Variants in PRKCH observed in about 807,000 individuals in gnomAD.
The protein encoded by PRKCH is protein kinase C eta.
Under a neutral mutation model 82.5 loss-of-function variants are expected in PRKCH, and 28 were observed. The ratio of observed to expected loss-of-function variants is 0.34; its 90% CI spans 0.25 to 0.47. The LOEUF is 0.47. PRKCH is among the 20% of genes least tolerant of loss of function. PRKCH has a pLI of 1.00. For missense variants in PRKCH, 705 were observed against 881.8 expected, an observed-to-expected ratio of 0.80 and a Z score of 2.54; for synonymous variants, 322 against 327.4, an observed-to-expected ratio of 0.98 and a Z score of 0.18.
At chr14:61,424,445 A>G (rs905873817) in intron 2 of PRKCH, among the ~76,000 whole-genome samples, 5 of 152,258 alleles carry the variant, frequency 3.3e-5, no homozygotes, top group African/African-American at 9.6e-5. Flanking sequence ...AAGTAGCTTC[A>G]GATGGAGATG....
At chr14:61,423,998 C>T (rs181541413) in intron 2 of PRKCH, among the ~76,000 whole-genome samples, 5 of 152,180 alleles carry the variant, frequency 3.3e-5, no homozygotes, top group East Asian at 3.9e-4. Context: ...GGAATTCTCA[C>T]GAGAACTGAT....
chr14:61,229,612 A>G (rs1566787763), intron 1 of PRKCH, among the ~76,000 whole-genome samples: 2 of 152,196 alleles, frequency 1.3e-5, no homozygotes. Flanking sequence ...CTGAGACCGA[A>G]GGGAAGATTT....
In PRKCH at chr14:61,280,397, C is replaced by T; in HGVS notation, c.-19+92729C>T. The T allele has an allele frequency of 6.2e-7, 1 of 1,614,016 alleles. No individual in the cohort carries two copies. Among genetic ancestry groups the T allele is most frequent in the South Asian group, 1.1e-5 (1 of 91,088 alleles). ...AGCGCCGCCGTGCGCATCCACACCACGAAGTCCTGATTGATGAAGCCGGTG... is the reference window on the plus strand; with the variant it reads ...AGCGCCGCCGTGCGCATCCACACCATGAAGTCCTGATTGATGAAGCCGGTG... On this transcript the variant is annotated intron_variant, in intron 1 of 3. Transcript: ENST00000555185. This position sits in a 1 kb window ranked among gnomAD's most constrained non-coding sequence, Gnocchi z 5.0.
chr14:61,234,294 G>T (rs944962902), intron 1 of PRKCH, among the ~76,000 whole-genome samples: 1 of 152,150 alleles, frequency 6.6e-6, no homozygotes, highest in Non-Finnish European at 1.5e-5. Flanking sequence ...TACAGCCCTG[G>T]TCCTGTGACT....
In PRKCH at chr14:61,336,301, TAGG is replaced by T. The variant is rs577046436; in HGVS notation, c.363+13840_363+13842del. 2.7e-4 allele frequency among the ~76,000 whole-genome samples: 41 copies of T among 152,296 alleles called. 1 individual carries two copies. The South Asian group carries it at 8.1e-3, about 30-fold the overall frequency. On this transcript the variant is annotated intron_variant, in intron 1 of 13. Transcript: ENST00000332981. Reference sequence around the variant, plus strand: ...TGTAGGATTCTGGAATGTAAATCAGTAGGAGATTTCTAGTTACTGGTGGAAGAG... The same window carrying T: ...TGTAGGATTCTGGAATGTAAATCAGTAGATTTCTAGTTACTGGTGGAAGAG...
rs1367636548 is a variant in PRKCH, at chr14:61,471,566, A to G, written c.1278+13887A>G. Among the ~76,000 whole-genome samples the G allele has an allele frequency of 2.0e-5, 3 of 151,236 alleles. No individual in the cohort carries two copies. The East Asian group carries it at 5.8e-4, about 29-fold the overall frequency. ...TGTAAGTGACTTAAAAAAAAAAAGT[A>G]CCCTTCCACATTGCTCAGAACTTTG... is the stretch of plus-strand genomic sequence containing the variant. On this transcript the variant is annotated intron_variant, in intron 9 of 13. Transcript: ENST00000332981.
chr14:61,465,519 T>C (rs1885216517), intron 9 of PRKCH, among the ~76,000 whole-genome samples: 1 of 152,208 alleles, frequency 6.6e-6, no homozygotes, highest in African/African-American at 2.4e-5. Context: ...TCTTTGTTGA[T>C]AATTAATTGA....
At chr14:61,249,490 T>C (rs2044920488) in intron 1 of PRKCH, among the ~76,000 whole-genome samples, 1 of 139,026 alleles carries the variant, frequency 7.2e-6, no homozygotes, top group Admixed American at 7.8e-5. Context: ...CCTTTACAAG[T>C]ATGATGTGCA....
intron 1 of PRKCH, among the ~76,000 whole-genome samples, chr14:61,351,845 T>C (rs1229017450): frequency 1.3e-5 from 2 of 152,136 alleles, no homozygotes; most frequent in Non-Finnish European, 2.9e-5. Context: ...CTTGCATCTC[T>C]TTCTGCTTGA....
intron 9 of PRKCH, among the ~76,000 whole-genome samples, chr14:61,470,046 AATTCCTGGATT>A (rs1358611280): frequency 6.6e-6 from 1 of 151,432 alleles, no homozygotes; most frequent in East Asian, 2.0e-4. Flanking sequence ...TCCCTGTGGC[AATTCCTGGATT>A]TTCCTTTCAG....
At chr14:61,195,363 T>G (rs1046981346) in intron 1 of PRKCH, among the ~76,000 whole-genome samples, 2 of 151,822 alleles carry the variant, frequency 1.3e-5, no homozygotes, top group Admixed American at 1.3e-4. Context: ...GGTTTAAAAA[T>G]GTATCTTTTA....
chr14:61,370,989 A>G (rs2046358977), intron 1 of PRKCH, among the ~76,000 whole-genome samples: 2 of 152,064 alleles, frequency 1.3e-5, no homozygotes, highest in South Asian at 4.1e-4. Flanking sequence ...CACAGTCTAG[A>G]AAGGCCAGAT....
upstream of PRKCH, among the ~76,000 whole-genome samples, chr14:61,320,933 T>A (rs893899385): frequency 6.6e-6 from 1 of 152,196 alleles, no homozygotes; most frequent in Non-Finnish European, 1.5e-5. Flanking sequence ...TATTACCTCT[T>A]GGCCATGTCT....
At chr14:61,526,100 C>A (rs1052510645) in intron 10 of PRKCH, among the ~76,000 whole-genome samples, 1 of 152,204 alleles carries the variant, frequency 6.6e-6, no homozygotes, top group Non-Finnish European at 1.5e-5. Flanking sequence ...CACCCCTGCT[C>A]CCGTCCTGCG....
intron 1 of PRKCH, among the ~76,000 whole-genome samples, chr14:61,328,726 G>A (rs148139725): frequency 4.6e-5 from 7 of 152,084 alleles, no homozygotes; most frequent in East Asian, 1.9e-4. Flanking sequence ...TATGGCTTGC[G>A]TCTGTAATCC....
rs915394015 is a variant in PRKCH at position 61,206,607 on chromosome 14, A to G, written c.-19+18939A>G. ...AAGATAGGGGAGTACTCAGACTTCC[A>G]TGTCTTTCCATCCAACAATCTCTTT... On this transcript the variant is annotated intron_variant, in intron 1 of 3. Coordinates refer to the PRKCH transcript ENST00000555185. Among the ~76,000 whole-genome samples, 7 of 152,336 alleles carry G rather than the reference A, an allele frequency of 4.6e-5. 1 individual carries two copies. Among genetic ancestry groups the G allele is most frequent in the Admixed American group, 1.3e-4 (2 of 15,296 alleles).
At chr14:61,330,367 G>A (rs1315689553) in intron 1 of PRKCH, among the ~76,000 whole-genome samples, 1 of 152,174 alleles carries the variant, frequency 6.6e-6, no homozygotes, top group East Asian at 1.9e-4. Flanking sequence ...CTTTTGAAAG[G>A]TAAATGTTCC....
rs1884608642 is a variant in PRKCH, at chr14:61,453,470, G to C, written c.960+117G>C. On this transcript the variant is annotated intron_variant, in intron 7 of 13. Transcript: ENST00000332981. ...CTAATCTTAGCAAATACAATAAACA[G>C]ACTTATTGCCTTTCTTTCTTTCTTT... is the stretch of plus-strand genomic sequence containing the variant. The C allele has an allele frequency of 8.8e-6, 9 of 1,025,522 alleles. No individual in the cohort carries two copies. In the South Asian group the frequency reaches 2.0e-4, roughly 23 times the overall value. 63.5% of individuals were successfully genotyped at this position (1,025,522 alleles called of 1,614,324 possible).
At chr14:61,261,607 G>A (rs1594879571) in intron 1 of PRKCH, among the ~76,000 whole-genome samples, 1 of 152,088 alleles carries the variant, frequency 6.6e-6, no homozygotes, top group East Asian at 1.9e-4. Context: ...TTGCTGTTCT[G>A]ACTTGGCACA....
Sources: gnomAD v4.1 joint callset for allele counts (sites outside exome capture counted in the v4.1 genomes callset) on GRCh38, gnomAD v4.1.1 for gene constraint, Gnocchi (gnomAD v3.1) non-coding constraint, MANE v1.5 for transcripts, NCBI Gene and HGNC (gene_info 2026-07-23, HGNC 2026-07-21) for gene names.